Variants in EPHX2 observed in about 807,000 individuals in gnomAD.
EPHX2 encodes epoxide hydrolase 2, also known as bifunctional epoxide hydrolase 2.
In EPHX2, 74 loss-of-function variants were observed where a neutral mutation model predicts 78.7. The ratio of observed to expected loss-of-function variants is 0.94; its 90% CI spans 0.78 to 1.14. The LOEUF is 1.14. EPHX2 is among the 50% of genes most tolerant of loss of function. The pLI, the probability that EPHX2 is intolerant of heterozygous loss-of-function variation, is 0.00. For missense variants in EPHX2, 715 were observed against 702.5 expected, an observed-to-expected ratio of 1.02 and a Z score of -0.20; for synonymous variants, 251 against 255.2, an observed-to-expected ratio of 0.98 and a Z score of 0.16.
intron 12 of EPHX2, among the ~76,000 whole-genome samples, chr8:27,535,412 T>C (rs967300206): frequency 1.3e-5 from 2 of 152,052 alleles, no homozygotes; most frequent in African/African-American, 4.8e-5. Context: ...TGACCTCAGG[T>C]GATCTGCCTG....
intron 2 of EPHX2, among the ~76,000 whole-genome samples, chr8:27,501,343 T>TTCTTCC (rs1271294703): frequency 8.7e-6 from 1 of 114,498 alleles, no homozygotes; most frequent in Non-Finnish European, 1.8e-5. Flanking sequence ...CTTCTTCTTC[T>TTCTTCC]TCTTCTTCTT....
chr8:27,523,159 A>C (rs781151469), intron 11 of EPHX2, among the ~76,000 whole-genome samples: 2 of 152,124 alleles, frequency 1.3e-5, no homozygotes, highest in Non-Finnish European at 2.9e-5. Context: ...AGAATCAGAA[A>C]GCGTGGCCTT....
intron 5 of EPHX2, 119 bp downstream of exon 5, chr8:27,507,113 C>A: frequency 7.5e-7 from 1 of 1,334,668 alleles, no homozygotes; most frequent in Admixed American, 2.6e-5. Flanking sequence ...TCCTGGGCAC[C>A]GCTGGTTGGG....
intron 5 of EPHX2, 79 bp from the exon 6 acceptor site, chr8:27,511,757 C>T: frequency 6.8e-7 from 1 of 1,473,270 alleles, no homozygotes; most frequent in Admixed American, 1.7e-5. Flanking sequence ...CAAGGCCTCC[C>T]CTGGCACCAG....
rs1240449489 is a variant in EPHX2 at position 27,540,654 on chromosome 8, C to T, written c.1377C>T (p.Phe459=). 1 of 1,613,734 alleles carries T rather than the reference C, an allele frequency of 6.2e-7. No homozygotes were observed. The highest frequency in any genetic ancestry group is 1.3e-5 in the African/African-American group (1 of 75,026). ...FYVQQFKKSG[F]RGPLNWYRNM... ...TGCAGCAGTTCAAGAAGTCTGGTTT[C>T]AGGTAAAGAGAGCACAGGGCCCAGA... The change falls in exon 15 of 19, where the codon TTC becomes TTT. Residue 459 remains phenylalanine, a splice_region_variant and synonymous_variant. Transcript: ENST00000521400.
At chr8:27,518,780 G>A (rs552012536) in intron 9 of EPHX2, among the ~76,000 whole-genome samples, 2 of 152,358 alleles carry the variant, frequency 1.3e-5, no homozygotes, top group South Asian at 2.1e-4. Flanking sequence ...CATCTCAGAA[G>A]CAATCATGGG....
chr8:27,513,387 G>A (rs1489476192), intron 6 of EPHX2, among the ~76,000 whole-genome samples: 2 of 152,168 alleles, frequency 1.3e-5, no homozygotes, highest in Admixed American at 6.5e-5. Context: ...CTGGGGGCTG[G>A]ATTGTAACCG....
chr8:27,499,010 A>T (rs914353602), intron 1 of EPHX2, among the ~76,000 whole-genome samples: 1 of 152,154 alleles, frequency 6.6e-6, no homozygotes, highest in Non-Finnish European at 1.5e-5. Flanking sequence ...TGGTGAGGGC[A>T]TTTTTGCTGG....
intron 1 of EPHX2, among the ~76,000 whole-genome samples, chr8:27,498,398 T>A (rs2132710594): frequency 6.6e-6 from 1 of 152,290 alleles, no homozygotes; most frequent in South Asian, 2.1e-4. Flanking sequence ...AAGAATGTTC[T>A]TGTTGTATCA....
intron 2 of EPHX2, among the ~76,000 whole-genome samples, chr8:27,501,775 C>T (rs1296754076): frequency 4.6e-5 from 7 of 152,016 alleles, no homozygotes; most frequent in Admixed American, 6.6e-5. Flanking sequence ...GAAAATCCTG[C>T]GTTTCATTCA....
chr8:27,525,531 G>A, intron 12 of EPHX2, 58 bp downstream of exon 12: 1 of 1,391,252 alleles, frequency 7.2e-7, no homozygotes, highest in Admixed American at 1.7e-5. Context: ...TCCCCTTCCT[G>A]TCTCCTTCTT....
intron 4 of EPHX2, among the ~76,000 whole-genome samples, chr8:27,506,300 A>G (rs1373765458): frequency 6.6e-6 from 1 of 152,184 alleles, no homozygotes; most frequent in Non-Finnish European, 1.5e-5. Flanking sequence ...TTATTACTAC[A>G]TATAAATTTT....
intron 16 of EPHX2, among the ~76,000 whole-genome samples, chr8:27,543,016 G>T (rs1025195896): frequency 5.8e-5 from 2 of 34,350 alleles, no homozygotes; most frequent in Non-Finnish European, 1.3e-4. Flanking sequence ...TCCCCCCCCC[G>T]CCCCCCGCCC....
chr8:27,496,814 G>A (rs778280656), intron 1 of EPHX2, among the ~76,000 whole-genome samples: 24 of 152,072 alleles, frequency 1.6e-4, no homozygotes, highest in South Asian at 4.1e-4. Context: ...TTGCCCTTCC[G>A]AATTGTCCTT....
At chr8:27,531,062 T>G (rs1815024271) in intron 12 of EPHX2, among the ~76,000 whole-genome samples, 1 of 152,204 alleles carries the variant, frequency 6.6e-6, no homozygotes, top group Admixed American at 6.5e-5. Context: ...CACGCCCGGC[T>G]GTTACTTTAA....
intron 13 of EPHX2, 38 bp downstream of exon 13, chr8:27,536,893 G>A (rs369234907): frequency 2.5e-6 from 4 of 1,609,880 alleles, no homozygotes; most frequent in Non-Finnish European, 2.5e-6. Context: ...ACAGGAGGGG[G>A]CAGTTGTGAA....
intron 1 of EPHX2, among the ~76,000 whole-genome samples, chr8:27,495,323 C>G (rs2132706019): frequency 6.6e-6 from 1 of 152,334 alleles, no homozygotes. Context: ...GGGAAAGAGG[C>G]TTACTTTCAA....
chr8:27,501,073 C>G (rs1813751283), intron 2 of EPHX2, 63 bp downstream of exon 2: 1 of 1,461,442 alleles, frequency 6.8e-7, no homozygotes, highest in South Asian at 1.2e-5. Context: ...TGCCCATCTC[C>G]CCGAACTTGG....
At chr8:27,538,854 C>T in intron 14 of EPHX2, 162 bp downstream of exon 14, 1 of 696,942 alleles carries the variant, frequency 1.4e-6, no homozygotes, top group Non-Finnish European at 2.5e-6. Context: ...ACTCTAACCC[C>T]AGGCCTGAGC....
Sources: gnomAD v4.1 joint callset for allele counts (sites outside exome capture counted in the v4.1 genomes callset) on GRCh38, gnomAD v4.1.1 for gene constraint, MANE v1.5 for transcripts, NCBI Gene and HGNC (gene_info 2026-07-23, HGNC 2026-07-21) for gene names.